Variants in PDXDC1 observed in about 807,000 individuals in gnomAD.
The protein encoded by PDXDC1 is pyridoxal-dependent decarboxylase domain-containing protein 1.
Under a neutral mutation model 100.1 loss-of-function variants are expected in PDXDC1, and 42 were observed. The ratio of observed to expected loss-of-function variants is 0.42; its 90% confidence interval spans 0.33 to 0.54. PDXDC1 has a LOEUF of 0.54. Among genes scored for constraint, PDXDC1 ranks in the 20% least tolerant of loss-of-function variants. PDXDC1 has a pLI of 0.10. For synonymous variants in PDXDC1, 260 were observed against 371.7 expected, an observed-to-expected ratio of 0.70 and a Z score of 3.46; for missense variants, 636 against 979.2, an observed-to-expected ratio of 0.65 and a Z score of 4.68.
At chr16:15,066,770 T>C (rs2044996028) in intron 16 of PDXDC1, among the ~76,000 whole-genome samples, 1 of 151,110 alleles carries the variant, frequency 6.6e-6, no homozygotes, top group African/African-American at 2.4e-5. Context: ...CTCAAAAGCA[T>C]CAAGCAGGCA....
chr16:15,056,552 G>T lies in PDXDC1; in HGVS notation c.1399+26496G>T, dbSNP rs1567779462. Among the ~76,000 whole-genome samples the T allele has an allele frequency of 1.3e-5, 2 of 152,154 alleles. 1 individual carries two copies. Among genetic ancestry groups the T allele is most frequent in the African/African-American group, 4.8e-5 (2 of 41,428 alleles). ...GCACTTTGGGGGGCCGAGGCAGGAG[G>T]ATCGCTTGAGGCCAGGAGTTCGAGA... On this transcript the variant is annotated intron_variant, in intron 16 of 16. Coordinates refer to the PDXDC1 transcript ENST00000535621.
chr16:14,988,924 G>C, intron 1 of PDXDC1: 1 of 1,613,522 alleles, frequency 6.2e-7, no homozygotes, highest in Non-Finnish European at 8.5e-7. Context: ...AGCAGCCCCG[G>C]CCACAGGTTC....
At chr16:15,135,236 T>C (rs2519270) in intron 16 of PDXDC1, 477,042 of 705,796 alleles carry the variant, frequency 0.68, 189,712 homozygotes, top group Admixed American at 0.8. Flanking sequence ...AGCAGGGAGG[T>C]TGGGCTGTCC....
At chr16:15,030,554 A>AAG (rs1312534066) in intron 16 of PDXDC1, among the ~76,000 whole-genome samples, 1 of 148,672 alleles carries the variant, frequency 6.7e-6, no homozygotes, top group Non-Finnish European at 1.5e-5. Context: ...CAAAAAAAAA[A>AAG]AAAAAAAAAA....
At chr16:14,999,272 G>T (rs1185053473) in intron 3 of PDXDC1, among the ~76,000 whole-genome samples, 1 of 152,272 alleles carries the variant, frequency 6.6e-6, no homozygotes, top group East Asian at 1.9e-4. Context: ...TCACCATGTT[G>T]GCCAGGACGG....
intron 16 of PDXDC1, chr16:15,126,856 T>C (rs562443712): frequency 1.9e-3 from 331 of 178,264 alleles, no homozygotes; most frequent in Non-Finnish European, 2.4e-3. Flanking sequence ...CGGGGTTTCA[T>C]TGTGTTGGCC....
chr16:15,031,149 G>C (rs2043041649), intron 16 of PDXDC1, among the ~76,000 whole-genome samples: 1 of 126,118 alleles, frequency 7.9e-6, no homozygotes, highest in Non-Finnish European at 1.6e-5. Context: ...TAGAGACGTG[G>C]TCTCACTCTG....
chr16:15,094,349 C>T (rs1376470396), intron 16 of PDXDC1: 19 of 961,168 alleles, frequency 2.0e-5, no homozygotes, highest in Non-Finnish European at 2.8e-5. Flanking sequence ...TCAGCGGCCC[C>T]GCGTGGGGAG....
intron 11 of PDXDC1, among the ~76,000 whole-genome samples, chr16:15,017,823 G>A (rs1245869555): frequency 3.3e-5 from 5 of 150,462 alleles, no homozygotes; most frequent in South Asian, 2.1e-4. Flanking sequence ...ATGGAGTCTC[G>A]CTCTGTCACC....
chr16:15,148,316 C>T, the PDXDC1 span, among the ~76,000 whole-genome samples: 6 of 150,622 alleles, frequency 4.0e-5, no homozygotes, highest in East Asian at 9.8e-4. Flanking sequence ...TCTTCTCACA[C>T]GCTGTTGGCC....
chr16:15,131,159 C>A, intron 16 of PDXDC1: 1 of 1,592,040 alleles, frequency 6.3e-7, no homozygotes, highest in South Asian at 1.1e-5. Context: ...GTGACCACAG[C>A]ACCGACGGAG....
At chr16:15,078,444 G>A (rs2045556308) in intron 16 of PDXDC1, among the ~76,000 whole-genome samples, 2 of 151,846 alleles carry the variant, frequency 1.3e-5, no homozygotes, top group African/African-American at 4.8e-5. Flanking sequence ...ATCCTCTCCC[G>A]AAATGCAGTT....
At chr16:14,988,589 T>C (rs1781660082) in intron 1 of PDXDC1, 2 of 1,613,530 alleles carry the variant, frequency 1.2e-6, no homozygotes, top group Middle Eastern at 1.7e-4. Context: ...CCAGGCAGCC[T>C]GCCTTGCAGG....
At chr16:15,129,312 C>A (rs1195263532) in intron 16 of PDXDC1, among the ~76,000 whole-genome samples, 2 of 151,354 alleles carry the variant, frequency 1.3e-5, no homozygotes, top group Non-Finnish European at 2.9e-5. Context: ...GTGGCGTGCA[C>A]CTGTACTCCC....
rs2048387474 is a variant in PDXDC1, at chr16:15,137,567, G to C, written c.1400-1312G>C. The C allele has an allele frequency of 2.4e-6, 3 of 1,229,712 alleles. No individual in the cohort carries two copies. The African/African-American group carries it at 4.5e-5, about 18-fold the overall frequency. 76.2% of individuals were successfully genotyped at this position (1,229,712 alleles called of 1,614,324 possible). A position where few individuals can be genotyped will look rare whatever the true frequency, so the allele number is the denominator to read the frequency against. ...TAGAAGAGGCAGCCACTGGACCCCG[G>C]GTTCTGCTCCTCCTGGCTCCACCCC... is the stretch of plus-strand genomic sequence containing the variant. On this transcript the variant is annotated intron_variant, in intron 16 of 16. Transcript: ENST00000535621.
At chr16:15,148,016 C>T in the PDXDC1 span, among the ~76,000 whole-genome samples, 4 of 150,688 alleles carry the variant, frequency 2.7e-5, no homozygotes, top group Non-Finnish European at 4.4e-5. Context: ...TTTTAAAGAC[C>T]GTTTCCTAGT....
intron 15 of PDXDC1, chr16:15,029,227 G>A (rs1201980714): frequency 1.6e-6 from 1 of 609,600 alleles, no homozygotes; most frequent in East Asian, 2.8e-5. Flanking sequence ...GGCAAAAGGT[G>A]GGCTGCAGGG....
chr16:14,997,579 G>A (rs1972255846), intron 1 of PDXDC1, among the ~76,000 whole-genome samples, 174 bp from the exon 2 acceptor site: 1 of 152,248 alleles, frequency 6.6e-6, no homozygotes, highest in South Asian at 2.1e-4. Context: ...CTAGGAAGTG[G>A]GGCTGGAAGA....
chr16:15,033,063 C>A, intron 18 of PDXDC1, 84 bp downstream of exon 18: 2 of 1,010,786 alleles, frequency 2.0e-6, no homozygotes, highest in African/African-American at 1.6e-5. Flanking sequence ...CATCCCTTAG[C>A]GGGCTAGCGC....
Sources: gnomAD v4.1 joint callset for allele counts (sites outside exome capture counted in the v4.1 genomes callset) on GRCh38, gnomAD v4.1.1 for gene constraint, MANE v1.5 for transcripts, NCBI Gene and HGNC (gene_info 2026-07-23, HGNC 2026-07-21) for gene names.